Variants in SGTB observed in about 807,000 individuals in gnomAD.
SGTB encodes small glutamine-rich tetratricopeptide repeat-containing protein beta.
SGTB carries 19 observed loss-of-function variants against 43.9 expected under a neutral mutation model. The observed-to-expected ratio is 0.43, with a 90% CI of 0.30 to 0.63. The LOEUF is 0.63. Ranked by LOEUF, SGTB falls within the 30% of genes least tolerant of loss-of-function variation. The pLI, the probability that SGTB is intolerant of heterozygous loss-of-function variation, is 0.12. For synonymous variants in SGTB, 116 were observed against 117.3 expected (o/e 0.99, Z 0.07); for missense variants, 304 against 358.9 (o/e 0.85, Z 1.24).
intron 5 of SGTB, among the ~76,000 whole-genome samples, chr5:65,698,697 C>T (rs1757756454): frequency 6.6e-6 from 1 of 152,104 alleles, no homozygotes; most frequent in African/African-American, 2.4e-5. Context: ...AAGAAAAAAA[C>T]AAATTATCCC....
chr5:65,672,582 T>C (rs1198697127), intron 8 of SGTB, among the ~76,000 whole-genome samples: 1 of 152,178 alleles, frequency 6.6e-6, no homozygotes. Context: ...ATAGGAACTT[T>C]AAAAGTATGG....
intron 6 of SGTB, among the ~76,000 whole-genome samples, chr5:65,683,272 G>C (rs7716998): frequency 0.19 from 29,408 of 151,976 alleles, 3,014 homozygotes; most frequent in Non-Finnish European, 0.22. Flanking sequence ...GAAACAAAAA[G>C]ATAGAGCATC....
intron 3 of SGTB, among the ~76,000 whole-genome samples, chr5:65,708,906 T>C (rs1434344831): frequency 1.3e-5 from 2 of 152,002 alleles, no homozygotes; most frequent in Non-Finnish European, 2.9e-5. Flanking sequence ...CAAGGTGTGG[T>C]GGCATGTGCC....
At chr5:65,671,851 C>T (rs575400022) in intron 10 of SGTB, 64 bp downstream of exon 10, 10 of 1,455,850 alleles carry the variant, frequency 6.9e-6, no homozygotes, top group East Asian at 2.4e-5. Context: ...TGACCCCTCA[C>T]CATAGAGATA....
chr5:65,715,086 C>T (rs1254991520), intron 2 of SGTB, among the ~76,000 whole-genome samples: 1 of 152,136 alleles, frequency 6.6e-6, no homozygotes, highest in Non-Finnish European at 1.5e-5. Flanking sequence ...AGGCCTGTCT[C>T]GTTATCCTTA....
chr5:65,701,178 G>A (rs377734637), intron 5 of SGTB, among the ~76,000 whole-genome samples: 4 of 152,070 alleles, frequency 2.6e-5, no homozygotes, highest in African/African-American at 9.7e-5. Flanking sequence ...GGTAGGGGAG[G>A]AGAGTGCTAT....
chr5:65,705,913 G>C (rs939641579), intron 4 of SGTB, among the ~76,000 whole-genome samples: 1 of 151,580 alleles, frequency 6.6e-6, no homozygotes, highest in African/African-American at 2.4e-5. Flanking sequence ...GTGTGTGCCT[G>C]TAGTCCCAGC....
rs754700641 is a variant in SGTB at position 65,666,625 on chromosome 5, G to A, written c.*3621C>T. On this transcript the variant is annotated 3_prime_UTR_variant, in exon 11 of 11. Coordinates refer to ENST00000381007, the MANE Select transcript of SGTB (RefSeq NM_019072.3). The stretch of plus-strand genomic sequence containing the variant: ...AAAGTAGCTAGCACAATCCAACCAC[G>A]CAACTTTTTTTGAAATAGCTTGCAA... 43 of 152,084 alleles carry A rather than the reference G, an allele frequency of 2.8e-4. No homozygotes were observed. Among genetic ancestry groups the A allele is most frequent in the Admixed American group, 4.6e-4 (7 of 15,266 alleles). The allele number at this position is 152,084 out of a possible 1,614,324, so 9.4% of individuals were successfully genotyped here.
chr5:65,669,475 A>G lies in SGTB; in HGVS notation c.*771T>C, dbSNP rs1423139753. ...CCTAACCAGTACATTAAGGATTTCT[A>G]AATGTATCTTATTGTGTATTTAGCA... is the stretch of plus-strand genomic sequence containing the variant. On this transcript the variant is annotated 3_prime_UTR_variant, in exon 11 of 11. Coordinates refer to ENST00000381007, the MANE Select transcript of SGTB (RefSeq NM_019072.3). 3 of 152,242 alleles carry G rather than the reference A, an allele frequency of 2.0e-5. No homozygotes were observed. The highest frequency in any genetic ancestry group is 4.4e-5 in the Non-Finnish European group (3 of 68,036). The allele number at this position is 152,242 out of a possible 1,614,324, so 9.4% of individuals were successfully genotyped here.
chr5:65,687,845 T>A (rs1757529379), intron 5 of SGTB, among the ~76,000 whole-genome samples: 1 of 152,212 alleles, frequency 6.6e-6, no homozygotes, highest in South Asian at 2.1e-4. Context: ...CTCGGCTCAC[T>A]GCAACCTCCG....
At chr5:65,707,955 T>G (rs1757968868) in intron 4 of SGTB, among the ~76,000 whole-genome samples, 1 of 152,170 alleles carries the variant, frequency 6.6e-6, no homozygotes, top group South Asian at 2.1e-4. Context: ...TAGCTTAACA[T>G]AGCTGACATA....
At chr5:65,722,577 C>CGCGGCCACCTGGG (rs1758341181), upstream of SGTB, among the ~76,000 whole-genome samples, 2 of 152,330 alleles carry the variant, frequency 1.3e-5, no homozygotes, top group East Asian at 1.9e-4. Context: ...GGACACCTGG[C>CGCGGCCACCTGGG]GCGGCCACCT....
In SGTB at chr5:65,708,604, G is replaced by C. The variant is rs536167841; in HGVS notation, c.205-46C>G. ...ATGCACTTCCCTTTAGCTACATAAA[G>C]AATCATCCTAGAGTACTATAAATAA... On this transcript the variant is annotated intron_variant, in intron 3 of 10. Transcript: ENST00000381007. 4 of 1,475,980 alleles carry C rather than the reference G, an allele frequency of 2.7e-6. No homozygotes were observed. The African/African-American group carries it at 5.6e-5, about 21-fold the overall frequency. 91.4% of individuals were successfully genotyped at this position (1,475,980 alleles called of 1,614,324 possible).
intron 5 of SGTB, among the ~76,000 whole-genome samples, chr5:65,688,382 G>T (rs138425268): frequency 6.6e-6 from 1 of 152,266 alleles, no homozygotes; most frequent in African/African-American, 2.4e-5. Flanking sequence ...TTGTAGAACA[G>T]CAAATGCCTC....
At position 65,670,255 on chromosome 5, in the gene SGTB, C is replaced by T; in HGVS notation, c.906G>A (p.Glu302=). 1 of 1,613,896 alleles carries T rather than the reference C, an allele frequency of 6.2e-7. No homozygotes were observed. Among genetic ancestry groups the T allele is most frequent in the African/African-American group, 1.3e-5 (1 of 75,044 alleles). ...TGAGCCCCTGGTTAAATCAGGAATG[C>T]TCTTCAGCGCTGCTGCTGAATGATC... is the stretch of plus-strand genomic sequence containing the variant. ...RSRSFSSSAE[E]HS The change falls in exon 11 of 11, where the codon GAG becomes GAA. Residue 302 remains glutamate, a synonymous_variant. Transcript: ENST00000381007.
chr5:65,675,804 T>C (rs1350522479), intron 8 of SGTB, among the ~76,000 whole-genome samples: 1 of 152,204 alleles, frequency 6.6e-6, no homozygotes, highest in African/African-American at 2.4e-5. Flanking sequence ...AGGGAATTCA[T>C]TACTACCAGA....
chr5:65,680,996 C>T (rs1757385949), intron 6 of SGTB, among the ~76,000 whole-genome samples: 1 of 152,088 alleles, frequency 6.6e-6, no homozygotes, highest in Non-Finnish European at 1.5e-5. Context: ...ATTCTGCTTG[C>T]TGATAACCTG....
At chr5:65,720,374 G>C (rs2150726861) in intron 2 of SGTB, among the ~76,000 whole-genome samples, 1 of 152,126 alleles carries the variant, frequency 6.6e-6, no homozygotes, top group Middle Eastern at 3.4e-3. Flanking sequence ...GAGCCACCAA[G>C]CCTGGCCCTG....
At chr5:65,708,716 A>G (rs1757984015) in intron 3 of SGTB, among the ~76,000 whole-genome samples, 158 bp from the exon 4 acceptor site, 2 of 152,094 alleles carry the variant, frequency 1.3e-5, no homozygotes, top group Non-Finnish European at 2.9e-5. Context: ...AAAATAGGGG[A>G]AAAGTCCTCT....
Sources: allele counts gnomAD v4.1 joint callset (sites outside exome capture counted in the v4.1 genomes callset), GRCh38; gene constraint gnomAD v4.1.1; transcripts MANE v1.5; gene names NCBI Gene and HGNC (gene_info 2026-07-23, HGNC 2026-07-21).